Variants in CACNA1B observed in about 807,000 individuals in gnomAD.
CACNA1B encodes calcium voltage-gated channel subunit alpha1 B.
A neutral mutation model predicts 247.2 loss-of-function variants in CACNA1B; 70 were observed. The observed-to-expected ratio is 0.28, with a 90% confidence interval of 0.23 to 0.35. CACNA1B has a LOEUF of 0.35. Ranked by LOEUF, CACNA1B falls within the 10% of genes least tolerant of loss-of-function variation. The pLI is 1.00. For synonymous variants in CACNA1B, 1,231 were observed against 1,294.4 expected, an observed-to-expected ratio of 0.95 and a Z score of 1.05; for missense variants, 2,367 against 3,197.4, an observed-to-expected ratio of 0.74 and a Z score of 6.26.
intron 21 of CACNA1B, among the ~76,000 whole-genome samples, chr9:138,044,147 G>T (rs962487278): frequency 1.3e-5 from 2 of 152,228 alleles, no homozygotes; most frequent in Non-Finnish European, 2.9e-5. Context: ...CTCCTCTGTG[G>T]TGTGCGTGTG....
intron 6 of CACNA1B, among the ~76,000 whole-genome samples, chr9:137,939,853 A>T (rs569431269): frequency 1.7e-4 from 25 of 144,102 alleles, no homozygotes; most frequent in Non-Finnish European, 3.3e-4. Flanking sequence ...TAAATAAAAA[A>T]AAATAAAATT....
Position 137,925,719 on chromosome 9 carries a change from C to T in CACNA1B, c.966+8288C>T, listed in dbSNP as rs370024932. On this transcript the variant is annotated intron_variant, in intron 6 of 46. Transcript: ENST00000371372. Reference sequence around the variant, plus strand: ...TTTTTTTTTTATTGTGCTAAAATACCGATAACATAAAATTTACCATCGTAA... The same window carrying T: ...TTTTTTTTTTATTGTGCTAAAATACTGATAACATAAAATTTACCATCGTAA... Among the ~76,000 whole-genome samples, 10 of 151,472 alleles carry T rather than the reference C, an allele frequency of 6.6e-5. No individual in the cohort carries two copies. In the East Asian group the frequency reaches 1.7e-3, roughly 26 times the overall value.
chr9:137,920,928 G>A (rs1957470175), intron 6 of CACNA1B, among the ~76,000 whole-genome samples: 1 of 152,178 alleles, frequency 6.6e-6, no homozygotes, highest in Admixed American at 6.5e-5. Flanking sequence ...GCAGAGGGTG[G>A]TGGCGGAACT....
At chr9:137,937,441 T>G (rs1048594200) in intron 6 of CACNA1B, among the ~76,000 whole-genome samples, 3 of 152,160 alleles carry the variant, frequency 2.0e-5, no homozygotes. Context: ...TGGGATTATG[T>G]TAAACGACCA....
rs938413323 is a variant in CACNA1B, at chr9:137,879,936, C to T, written c.390+777C>T. On this transcript the variant is annotated intron_variant, in intron 2 of 46. Transcript: ENST00000371372. ...GATGCCTGGCCCCATGTCTGGGTTC[C>T]GAGTGTGCCTAAAGACTGGAGCCTC... Among the ~76,000 whole-genome samples, 8 of 152,124 alleles carry T rather than the reference C, an allele frequency of 5.3e-5. No homozygotes were observed. The East Asian group carries it at 7.7e-4, about 15-fold the overall frequency.
chr9:137,946,093 T>C (rs973813265), intron 6 of CACNA1B, among the ~76,000 whole-genome samples: 1 of 152,168 alleles, frequency 6.6e-6, no homozygotes, highest in Non-Finnish European at 1.5e-5. Flanking sequence ...GTGCTAGCAT[T>C]ACAGGTGTGA....
At chr9:137,999,598 G>C (rs572854742) in intron 15 of CACNA1B, among the ~76,000 whole-genome samples, 2 of 151,838 alleles carry the variant, frequency 1.3e-5, no homozygotes, top group Non-Finnish European at 2.9e-5. Context: ...CTGCAGCCTC[G>C]AACTGGGTTC....
At chr9:137,967,722 T>C (rs1470988714) in intron 10 of CACNA1B, among the ~76,000 whole-genome samples, 1 of 152,200 alleles carries the variant, frequency 6.6e-6, no homozygotes, top group Admixed American at 6.5e-5. Flanking sequence ...CTGTTGCACA[T>C]GAGGCATCGG....
chr9:138,116,909 CAG>C (rs2131369282), intron 42 of CACNA1B, among the ~76,000 whole-genome samples: 1 of 152,300 alleles, frequency 6.6e-6, no homozygotes, highest in South Asian at 2.1e-4. Flanking sequence ...TTGCAACTCT[CAG>C]AAGACAAAGG....
chr9:137,915,685 C>A (rs981855838), intron 5 of CACNA1B, among the ~76,000 whole-genome samples: 4 of 152,068 alleles, frequency 2.6e-5, no homozygotes, highest in African/African-American at 9.7e-5. Context: ...TAAATCCCTG[C>A]AGATTTCCTG....
chr9:138,078,305 G>T (rs1433429925), intron 36 of CACNA1B, 47 bp downstream of exon 36: 3 of 1,587,516 alleles, frequency 1.9e-6, no homozygotes, highest in African/African-American at 2.7e-5. Context: ...TCTTGTCTCG[G>T]TACAGCTCAG....
intron 3 of CACNA1B, among the ~76,000 whole-genome samples, chr9:137,892,919 GT>G (rs1957123080): frequency 6.6e-6 from 1 of 152,204 alleles, no homozygotes; most frequent in South Asian, 2.1e-4. Context: ...TGCATCAGAG[GT>G]GCGTGGGCTC....
Position 138,059,048 on chromosome 9 carries a change from C to A in CACNA1B, c.4474-31C>A. 2 of 1,400,152 alleles carry A rather than the reference C, an allele frequency of 1.4e-6. No individual in the cohort carries two copies. The highest frequency in any genetic ancestry group is 2.0e-6 in the Non-Finnish European group (2 of 989,654). The allele number at this position is 1,400,152 out of a possible 1,614,324, so 86.7% of individuals were successfully genotyped here. A position where few individuals can be genotyped will look rare whatever the true frequency, so the allele number is the denominator to read the frequency against. On this transcript the variant is annotated intron_variant, in intron 29 of 46. Coordinates refer to ENST00000371372, the MANE Select transcript of CACNA1B (RefSeq NM_000718.4). This position sits in a 1 kb window ranked among gnomAD's most constrained non-coding sequence, Gnocchi z 4.2. ...ATGGGGTGTCTTGGGGCTGCCAAAC[C>A]CATGGCCAACAGTGCCTATTCCCCG... is the stretch of plus-strand genomic sequence containing the variant.
At position 137,957,549 on chromosome 9, in the gene CACNA1B, C is replaced by T. The variant is rs2133345804; in HGVS notation, c.1244-49C>T. ...TCCCATGCCCCGCTGAGGCAGGTGGCCTGAGGGCTGCAGCTCAGGCAGTCT... is the reference window on the plus strand; with the variant it reads ...TCCCATGCCCCGCTGAGGCAGGTGGTCTGAGGGCTGCAGCTCAGGCAGTCT... On this transcript the variant is annotated intron_variant, in intron 9 of 46. Transcript: ENST00000371372. This position sits in a 1 kb window ranked among gnomAD's most constrained non-coding sequence, Gnocchi z 4.7. The T allele has an allele frequency of 3.5e-6, 5 of 1,422,612 alleles. No homozygotes were observed. Among genetic ancestry groups the T allele is most frequent in the Non-Finnish European group, 4.8e-6 (5 of 1,048,622 alleles). 88.1% of individuals were successfully genotyped at this position (1,422,612 alleles called of 1,614,324 possible). A position where few individuals can be genotyped will look rare whatever the true frequency, so the allele number is the denominator to read the frequency against.
rs770299754 is a variant in CACNA1B at position 138,053,965 on chromosome 9, C to T, written c.3927C>T (p.Phe1309=). The part of the protein sequence containing the change: ...IAVQLFKGKF[F]YCTDESKELE... ...TGCAGCTCTTCAAAGGGAAGTTTTT[C>T]TACTGCACAGATGAATCCAAGGAGC... is the stretch of plus-strand genomic sequence containing the variant. Residue 1309 remains phenylalanine (F), a synonymous_variant, in exon 26 of 47, where the codon TTC becomes TTT. Coordinates refer to ENST00000371372, the MANE Select transcript of CACNA1B (RefSeq NM_000718.4). 11 of 1,613,832 alleles carry T rather than the reference C, an allele frequency of 6.8e-6. No homozygotes were observed. The highest frequency in any genetic ancestry group is 3.3e-5 in the Admixed American group (2 of 60,012).
At chr9:138,023,917 G>A (rs1958886858) in intron 19 of CACNA1B, 106 bp downstream of exon 19, 4 of 630,842 alleles carry the variant, frequency 6.3e-6, no homozygotes, top group Admixed American at 2.8e-5. Context: ...CTGCAGCCCC[G>A]GCCACGCTGC....
chr9:137,981,017 G>C (rs972061599), intron 12 of CACNA1B, among the ~76,000 whole-genome samples: 1 of 152,240 alleles, frequency 6.6e-6, no homozygotes, highest in African/African-American at 2.4e-5. Flanking sequence ...TATATAGCCA[G>C]TAGTGGGATT....
rs1245480530 is a variant in CACNA1B at position 138,050,961 on chromosome 9, GC to G, written c.3711-1130del. Among the ~76,000 whole-genome samples the G allele has an allele frequency of 6.6e-6, 1 of 152,148 alleles. No individual in the cohort carries two copies. On this transcript the variant is annotated intron_variant, in intron 24 of 46. Transcript: ENST00000371372. The surrounding 1 kb of genome is among the most constrained non-coding windows in gnomAD (Gnocchi z 5.2). ...CTCTCCCTGCTCAGCCCCAAGTGTT[GC>G]TGGAGCCCCAGGAAGAGCACAGGGG...
intron 36 of CACNA1B, 74 bp downstream of exon 36, chr9:138,078,332 C>G: frequency 7.1e-7 from 1 of 1,412,214 alleles, no homozygotes; most frequent in Non-Finnish European, 9.9e-7. Context: ...CCCACATCTC[C>G]TGCTGATCCC....
Sources: gnomAD v4.1 joint callset for allele counts (sites outside exome capture counted in the v4.1 genomes callset) on GRCh38, gnomAD v4.1.1 for gene constraint, Gnocchi (gnomAD v3.1) non-coding constraint, MANE v1.5 for transcripts, NCBI Gene and HGNC (gene_info 2026-07-23, HGNC 2026-07-21) for gene names.